PRKCH: variants seen among roughly 807,000 people sequenced by gnomAD.
PRKCH encodes protein kinase C eta type.
A neutral mutation model predicts 82.5 loss-of-function variants in PRKCH; 28 were observed. The ratio of observed to expected loss-of-function variants is 0.34; its 90% CI spans 0.25 to 0.47. PRKCH has a LOEUF of 0.47. PRKCH is among the 20% of genes least tolerant of loss of function. PRKCH has a pLI of 1.00. For synonymous variants in PRKCH, 322 were observed against 327.4 expected, an observed-to-expected ratio of 0.98 and a Z score of 0.18; for missense variants, 705 against 881.8, an observed-to-expected ratio of 0.80 and a Z score of 2.54.
At chr14:61,417,556 G>A (rs1210373296) in intron 2 of PRKCH, among the ~76,000 whole-genome samples, 1 of 152,208 alleles carries the variant, frequency 6.6e-6, no homozygotes, top group South Asian at 2.1e-4. Flanking sequence ...TGGTAAATTA[G>A]TGAAGCCTTT....
intron 2 of PRKCH, among the ~76,000 whole-genome samples, chr14:61,441,426 C>T (rs1765030428): frequency 6.6e-6 from 1 of 152,144 alleles, no homozygotes. Context: ...TTTCACCTCA[C>T]CCTTGTTAAA....
At chr14:61,415,275 A>G (rs538805730) in intron 2 of PRKCH, among the ~76,000 whole-genome samples, 46 of 152,300 alleles carry the variant, frequency 3.0e-4, no homozygotes, top group African/African-American at 1.0e-3. Flanking sequence ...CAACATGGTG[A>G]TATGTGAGGG....
intron 1 of PRKCH, chr14:61,277,689 A>C (rs571471962): frequency 6.6e-6 from 1 of 151,572 alleles, no homozygotes; most frequent in Non-Finnish European, 1.5e-5. Flanking sequence ...AAAATTTTTA[A>C]ATTGACATTT....
intron 2 of PRKCH, among the ~76,000 whole-genome samples, chr14:61,426,416 A>G (rs1166919485): frequency 6.6e-6 from 1 of 152,192 alleles, no homozygotes; most frequent in African/African-American, 2.4e-5. Flanking sequence ...TCCAGAATAA[A>G]GTTTTCAGTT....
At chr14:61,309,644 C>T (rs2045506636) in intron 1 of PRKCH, among the ~76,000 whole-genome samples, 1 of 151,986 alleles carries the variant, frequency 6.6e-6, no homozygotes, top group African/African-American at 2.4e-5. Context: ...GAAAAATCAC[C>T]CAAATTTGTC....
intron 2 of PRKCH, among the ~76,000 whole-genome samples, chr14:61,414,021 A>G (rs1470952493): frequency 3.3e-5 from 5 of 151,924 alleles, no homozygotes; most frequent in Non-Finnish European, 7.4e-5. Context: ...GGATCATCCC[A>G]TTCTTCCCTT....
chr14:61,548,352 A>G (rs1012620311), intron 13 of PRKCH, among the ~76,000 whole-genome samples: 2 of 152,216 alleles, frequency 1.3e-5, no homozygotes, highest in African/African-American at 2.4e-5. Flanking sequence ...TGGGTCTGTA[A>G]TAGCTGCTGC....
At chr14:61,452,503 G>C (rs1237337599) in intron 6 of PRKCH, among the ~76,000 whole-genome samples, 2 of 152,178 alleles carry the variant, frequency 1.3e-5, no homozygotes, top group Non-Finnish European at 1.5e-5. Context: ...TAACGCCTCA[G>C]ATCCTTCATT....
chr14:61,235,700 A>T (rs952087554), intron 1 of PRKCH, among the ~76,000 whole-genome samples: 1 of 152,216 alleles, frequency 6.6e-6, no homozygotes, highest in South Asian at 2.1e-4. Flanking sequence ...ATAAACTTTT[A>T]TCTTTGTTAA....
At chr14:61,340,002 A>G (rs1028034069) in intron 1 of PRKCH, among the ~76,000 whole-genome samples, 2 of 151,912 alleles carry the variant, frequency 1.3e-5, no homozygotes, top group Non-Finnish European at 2.9e-5. Flanking sequence ...CATTTTAAAA[A>G]CATACCCAAA....
chr14:61,293,851 C>T (rs182509078), intron 1 of PRKCH, among the ~76,000 whole-genome samples: 1 of 152,238 alleles, frequency 6.6e-6, no homozygotes, highest in Admixed American at 6.5e-5. Context: ...AAACTCTGCC[C>T]CAGAATCTGT....
chr14:61,420,768 C>T (rs1335783793), intron 2 of PRKCH, among the ~76,000 whole-genome samples: 3 of 152,128 alleles, frequency 2.0e-5, no homozygotes, highest in Admixed American at 6.6e-5. Flanking sequence ...AACTCACTTC[C>T]AAAAATGTTT....
intron 1 of PRKCH, among the ~76,000 whole-genome samples, chr14:61,300,221 C>CAG (rs36005118): frequency 0.58 from 88,269 of 151,850 alleles, 28,548 homozygotes; most frequent in Non-Finnish European, 0.71. Context: ...TTTTCTTTCT[C>CAG]GGGTTTTGGA....
Position 61,478,557 on chromosome 14 carries a change from GA to G in PRKCH, c.1279-6942del, listed in dbSNP as rs534261171. Among the ~76,000 whole-genome samples, 55 of 152,236 alleles carry G rather than the reference GA, an allele frequency of 3.6e-4. No homozygotes were observed. In the South Asian group the frequency reaches 0.011, roughly 32 times the overall value. On this transcript the variant is annotated intron_variant, in intron 9 of 13. Transcript: ENST00000332981. ...TATCCCAGATTTATAAATAAATAAG[GA>G]AACTTCTTACCCCTTAAAAATGGGT...
rs550924536 is a variant in PRKCH, at chr14:61,506,943, G to T, written c.1433+21287G>T. Among the ~76,000 whole-genome samples, 3 of 152,196 alleles carry T rather than the reference G, an allele frequency of 2.0e-5. No homozygotes were observed. In the South Asian group the frequency reaches 6.2e-4, roughly 32 times the overall value. On this transcript the variant is annotated intron_variant, in intron 10 of 13. Coordinates refer to ENST00000332981, the MANE Select transcript of PRKCH (RefSeq NM_006255.5). ...CTGACAAAAGCAAAAATAAGTGAGA[G>T]GGAGTACATCAAACTAAAAAGCTGC...
At chr14:61,483,432 C>A (rs777899840) in intron 9 of PRKCH, among the ~76,000 whole-genome samples, 1 of 152,214 alleles carries the variant, frequency 6.6e-6, no homozygotes, top group Non-Finnish European at 1.5e-5. Context: ...CATTGGCCAA[C>A]CCGAAGAGTT....
rs1555375988 is a variant in PRKCH, at chr14:61,329,254, T to TTTTTTTTTTG, written c.363+6790_363+6791insTTTTTTTTTG. Among the ~76,000 whole-genome samples the TTTTTTTTTTG allele has an allele frequency of 6.9e-4, 84 of 122,490 alleles. 1 individual carries two copies. Among genetic ancestry groups the TTTTTTTTTTG allele is most frequent in the South Asian group, 1.1e-3 (4 of 3,664 alleles). The allele number at this position is 122,490 out of a possible 152,430, so 80.4% of individuals were successfully genotyped here. On this transcript the variant is annotated intron_variant, in intron 1 of 13. Coordinates refer to ENST00000332981, the MANE Select transcript of PRKCH (RefSeq NM_006255.5). ...TGAGTCTTTTTTTTTTTTTTTTTTTTGAGACAGAATCTCTCTCTGTTGCCC... is the reference window on the plus strand; with the variant it reads ...TGAGTCTTTTTTTTTTTTTTTTTTTTTTTTTTTTTGGAGACAGAATCTCTCTCTGTTGCCC...
intron 2 of PRKCH, among the ~76,000 whole-genome samples, chr14:61,435,672 C>T (rs1430597001): frequency 6.6e-6 from 1 of 151,414 alleles, no homozygotes; most frequent in Non-Finnish European, 1.5e-5. Context: ...AATGAGACCT[C>T]ATCTCAATAT....
intron 10 of PRKCH, among the ~76,000 whole-genome samples, chr14:61,522,048 A>C (rs1276248048): frequency 6.6e-6 from 1 of 152,152 alleles, no homozygotes; most frequent in Non-Finnish European, 1.5e-5. Flanking sequence ...AGCTGCTTAA[A>C]TATCTCCACC....
Sources: gnomAD v4.1 joint callset for allele counts (sites outside exome capture counted in the v4.1 genomes callset) on GRCh38, gnomAD v4.1.1 for gene constraint, MANE v1.5 for transcripts, NCBI Gene and HGNC (gene_info 2026-07-23, HGNC 2026-07-21) for gene names.